The following RUFY1 variants were observed in gnomAD, a reference collection of about 807,000 sequenced individuals.
RUFY1 encodes RUN and FYVE domain containing 1.
Under a neutral mutation model 94.6 loss-of-function variants are expected in RUFY1, and 54 were observed. The observed-to-expected ratio is 0.57, with a 90% confidence interval of 0.46 to 0.72. The LOEUF is 0.72. Among genes scored for constraint, RUFY1 ranks in the 30% least tolerant of loss-of-function variants. The pLI is 0.00. For missense variants in RUFY1, 883 were observed against 883.9 expected, an observed-to-expected ratio of 1.00 and a Z score of 0.01; for synonymous variants, 396 against 347.3, an observed-to-expected ratio of 1.14 and a Z score of -1.56.
In RUFY1 at chr5:179,567,829, G is replaced by A. The variant is rs184811520; in HGVS notation, c.704+267G>A. Among the ~76,000 whole-genome samples, 942 of 151,760 alleles carry A rather than the reference G, an allele frequency of 6.2e-3. 8 individuals are homozygous for A. The highest frequency in any genetic ancestry group is 9.2e-3 in the Non-Finnish European group (628 of 67,910). ...TGAGGCAGGAGAATCGCTCGAACCCGCGAGGCGGAGGTTGCAGTGAGCCGA... is the reference window on the plus strand; with the variant it reads ...TGAGGCAGGAGAATCGCTCGAACCCACGAGGCGGAGGTTGCAGTGAGCCGA... On this transcript the variant is annotated intron_variant, in intron 4 of 17. Transcript: ENST00000319449.
chr5:179,576,512 C>T (rs1267105512), intron 5 of RUFY1, among the ~76,000 whole-genome samples: 1 of 152,184 alleles, frequency 6.6e-6, no homozygotes, highest in African/African-American at 2.4e-5. Context: ...CTTCCGCCTC[C>T]CAGGTTCAAG....
chr5:179,574,666 A>G (rs757646183), intron 5 of RUFY1, among the ~76,000 whole-genome samples: 7 of 152,194 alleles, frequency 4.6e-5, no homozygotes, highest in Non-Finnish European at 8.8e-5. Flanking sequence ...ATTCAGCTCT[A>G]CTAAGCTAGA....
intron 6 of RUFY1, among the ~76,000 whole-genome samples, chr5:179,580,481 A>G (rs924437123): frequency 2.2e-4 from 33 of 151,174 alleles, no homozygotes; most frequent in African/African-American, 8.0e-4. Context: ...TGACCTCGTG[A>G]TCTGCCCACC....
intron 8 of RUFY1, among the ~76,000 whole-genome samples, chr5:179,587,695 C>T (rs1345154203): frequency 5.3e-5 from 8 of 151,184 alleles, no homozygotes; most frequent in Non-Finnish European, 1.0e-4. Context: ...CCACTGCACC[C>T]AGCCAGGTTA....
intron 3 of RUFY1, among the ~76,000 whole-genome samples, chr5:179,566,138 C>CAAAAAA (rs923122282): frequency 7.0e-6 from 1 of 142,582 alleles, no homozygotes. Context: ...ACCCTGTCTC[C>CAAAAAA]AAAAAAAAAA....
intron 6 of RUFY1, among the ~76,000 whole-genome samples, chr5:179,580,335 C>T (rs928287002): frequency 2.6e-5 from 4 of 150,964 alleles, no homozygotes; most frequent in African/African-American, 7.3e-5. Context: ...CTCCGCCTCC[C>T]GGGTTCACGC....
chr5:179,590,129 G>A (rs528121266), intron 9 of RUFY1, among the ~76,000 whole-genome samples: 9 of 152,124 alleles, frequency 5.9e-5, no homozygotes, highest in East Asian at 2.0e-4. Context: ...CGAGGCGGGC[G>A]GATCACGAGG....
intron 5 of RUFY1, among the ~76,000 whole-genome samples, chr5:179,571,756 A>G (rs1366973624): frequency 6.6e-6 from 1 of 152,152 alleles, no homozygotes; most frequent in African/African-American, 2.4e-5. Context: ...CATGGACAAA[A>G]CAACTCATTA....
At chr5:179,587,680 A>C (rs948586630) in intron 8 of RUFY1, among the ~76,000 whole-genome samples, 15 of 149,846 alleles carry the variant, frequency 1.0e-4, no homozygotes, top group Non-Finnish European at 3.0e-5. Context: ...GATTACAGGC[A>C]TGAGCCACTG....
chr5:179,562,331 C>T (rs949726649), intron 2 of RUFY1, among the ~76,000 whole-genome samples: 3 of 152,006 alleles, frequency 2.0e-5, no homozygotes, highest in Admixed American at 2.0e-4. Context: ...TGCTTGAACC[C>T]GGGAGGCAGA....
At chr5:179,566,520 C>G (rs1044632690) in intron 3 of RUFY1, among the ~76,000 whole-genome samples, 1 of 151,418 alleles carries the variant, frequency 6.6e-6, no homozygotes. Flanking sequence ...GCAGGAGAAT[C>G]ACTTGAACCT....
intron 2 of RUFY1, 75 bp from the exon 3 acceptor site, chr5:179,562,472 T>G (rs28510162): frequency 0.42 from 336,173 of 796,820 alleles, 74,376 homozygotes; most frequent in East Asian, 0.71. Context: ...TTGGCTTTTG[T>G]GGGGAGAGGC....
At chr5:179,577,820 C>T (rs976851539) in intron 6 of RUFY1, among the ~76,000 whole-genome samples, 3 of 150,384 alleles carry the variant, frequency 2.0e-5, no homozygotes, top group Admixed American at 6.6e-5. Flanking sequence ...GGGTGGTGTC[C>T]CCCGCCTGCC....
intron 10 of RUFY1, among the ~76,000 whole-genome samples, chr5:179,592,287 T>A (rs59412846): frequency 0.065 from 9,916 of 152,228 alleles, 510 homozygotes; most frequent in African/African-American, 0.13. Context: ...GCCTGGCTAA[T>A]ATTTGTATTT....
rs374139636 is a variant in RUFY1, at chr5:179,585,758, A to G, written c.957-38A>G. 49 of 1,449,298 alleles carry G rather than the reference A, an allele frequency of 3.4e-5. 3 individuals carry two copies. In the South Asian group the frequency reaches 3.9e-4, roughly 12 times the overall value. The allele number at this position is 1,449,298 out of a possible 1,614,324, so 89.8% of individuals were successfully genotyped here. ...CAGATTGAGAAAACAGTCAGCTTGT[A>G]TAAGTTTATGTTTACTTAATATTCT... On this transcript the variant is annotated intron_variant, in intron 7 of 17. Transcript: ENST00000319449.
rs1186486577 is a variant in RUFY1, at chr5:179,580,247, T to TATATATA, written c.891-700_891-699insATATATA. On this transcript the variant is annotated intron_variant, in intron 6 of 17. Transcript: ENST00000319449. ...TGTGTGTGTGTGTGTGTGTGTATAT[T>TATATATA]TTTTTTTTTTTTTGAGACGGAGTCT... 9.8e-3 allele frequency among the ~76,000 whole-genome samples: 460 copies of TATATATA among 47,050 alleles called. 5 individuals carry two copies. The highest frequency in any genetic ancestry group is 0.022 in the East Asian group (82 of 3,694). The allele number at this position is 47,050 out of a possible 152,430, so 30.9% of individuals were successfully genotyped here.
chr5:179,608,076 A>G (rs1277746594), intron 17 of RUFY1, among the ~76,000 whole-genome samples: 2 of 152,196 alleles, frequency 1.3e-5, no homozygotes, highest in Middle Eastern at 3.2e-3. Flanking sequence ...TGATCTAGGC[A>G]GCGTGCTTGC....
chr5:179,609,237 G>GCA, intron 17 of RUFY1, 139 bp from the exon 18 acceptor site: 1 of 659,426 alleles, frequency 1.5e-6, no homozygotes, highest in Non-Finnish European at 2.4e-6. Flanking sequence ...ACCCTTGTTT[G>GCA]CACACAGCCC....
chr5:179,600,864 T>C (rs1766301468), intron 14 of RUFY1, among the ~76,000 whole-genome samples: 1 of 151,766 alleles, frequency 6.6e-6, no homozygotes, highest in South Asian at 2.1e-4. Flanking sequence ...GCCCTGCTAA[T>C]TTTTGTATTT....
Sources: allele counts gnomAD v4.1 joint callset (sites outside exome capture counted in the v4.1 genomes callset), GRCh38; gene constraint gnomAD v4.1.1; transcripts MANE v1.5; gene names NCBI Gene and HGNC (gene_info 2026-07-23, HGNC 2026-07-21).